The following STK32C variants were observed in gnomAD, a reference collection of about 807,000 sequenced individuals.
STK32C encodes serine/threonine kinase 32C, also known as serine/threonine-protein kinase 32C.
STK32C carries 31 observed loss-of-function variants against 56.5 expected under a neutral mutation model. The observed-to-expected ratio is 0.55, with a 90% CI of 0.41 to 0.74. The LOEUF (loss-of-function observed/expected upper bound fraction) is 0.74. Among genes scored for constraint, STK32C ranks in the 30% least tolerant of loss-of-function variants. The pLI, the probability that STK32C is intolerant of heterozygous loss-of-function variation, is 0.00. For missense variants in STK32C, 544 were observed against 676.9 expected (o/e 0.80, Z 2.18); for synonymous variants, 309 against 289.4 (o/e 1.07, Z -0.69).
At position 132,281,234 on chromosome 10, in the gene STK32C, T is replaced by C. The variant is rs567852320; in HGVS notation, c.262+26338A>G. On this transcript the variant is annotated intron_variant, in intron 1 of 11. Coordinates refer to ENST00000298630, the MANE Select transcript of STK32C (RefSeq NM_173575.4). ...ACACAGGTGCATAGACAGAGTGACC[T>C]TCAGGCCCCATCTTTTGCTTCTCTA... Among the ~76,000 whole-genome samples the C allele has an allele frequency of 1.7e-3, 260 of 151,394 alleles. 1 individual carries two copies. Among genetic ancestry groups the C allele is most frequent in the African/African-American group, 6.0e-3 (248 of 41,242 alleles).
At chr10:132,265,589 G>A (rs573894286) in intron 1 of STK32C, among the ~76,000 whole-genome samples, 1 of 152,312 alleles carries the variant, frequency 6.6e-6, no homozygotes, top group Non-Finnish European at 1.5e-5. Context: ...TCGCTTTCAT[G>A]GCTCGGGACA....
At chr10:132,273,956 T>G (rs1399954746) in intron 1 of STK32C, among the ~76,000 whole-genome samples, 1 of 152,212 alleles carries the variant, frequency 6.6e-6, no homozygotes, top group African/African-American at 2.4e-5. Flanking sequence ...CCAACTGCGC[T>G]TCTGACTTCT....
Position 132,225,216 on chromosome 10 carries a change from C to T in STK32C, c.876+17G>A. On this transcript the variant is annotated intron_variant, in intron 7 of 11. Coordinates refer to ENST00000298630, the MANE Select transcript of STK32C (RefSeq NM_173575.4). ...GGGGCCTGGCAGCCAAGCCCAGGGG[C>T]TGCAGGGGGTCCATACCCATCCTCG... is the stretch of plus-strand genomic sequence containing the variant. The T allele has an allele frequency of 1.3e-6, 2 of 1,582,968 alleles. No homozygotes were observed. Among genetic ancestry groups the T allele is most frequent in the Non-Finnish European group, 1.7e-6 (2 of 1,162,580 alleles).
intron 1 of STK32C, among the ~76,000 whole-genome samples, chr10:132,246,671 C>G (rs1227373511): frequency 6.6e-6 from 1 of 152,222 alleles, no homozygotes; most frequent in African/African-American, 2.4e-5. Flanking sequence ...TGAGACCTGT[C>G]CGTGTGCCCT....
chr10:132,244,568 C>T (rs2063619693), intron 2 of STK32C, among the ~76,000 whole-genome samples: 1 of 152,212 alleles, frequency 6.6e-6, no homozygotes, highest in Admixed American at 6.5e-5. Context: ...CCCTCAGATG[C>T]CCTCGGCCTG....
At chr10:132,270,587 T>A (rs995822097) in intron 1 of STK32C, among the ~76,000 whole-genome samples, 1 of 152,226 alleles carries the variant, frequency 6.6e-6, no homozygotes, top group African/African-American at 2.4e-5. Flanking sequence ...CAGCATGGCC[T>A]CTTCCCTTGG....
rs79590008 is a variant in STK32C, at chr10:132,225,600, G to A, written c.699C>T (p.Thr233=). 2,218 of 1,613,406 alleles carry A rather than the reference G, an allele frequency of 1.4e-3. 25 individuals carry two copies. The East Asian group carries it at 0.029, about 21-fold the overall frequency. Residue 233 remains threonine (T), a synonymous_variant, in exon 6 of 12, where the codon ACC becomes ACT. Coordinates refer to ENST00000298630, the MANE Select transcript of STK32C (RefSeq NM_173575.4). ...TGATGATGGTGGCAATGTTGAAGTCGGTCAGGTGTGCATGTCCTGTGCAGA... is the reference window on the plus strand; with the variant it reads ...TGATGATGGTGGCAATGTTGAAGTCAGTCAGGTGTGCATGTCCTGTGCAGA... ...LLDERGHAHL[T]DFNIATIIKD...
In STK32C at chr10:132,307,368, G is replaced by A. The variant is rs1362633777; in HGVS notation, c.262+204C>T. On this transcript the variant is annotated intron_variant, in intron 1 of 11. Coordinates refer to ENST00000298630, the MANE Select transcript of STK32C (RefSeq NM_173575.4). This position sits in a 1 kb window ranked among gnomAD's most constrained non-coding sequence, Gnocchi z 4.4. ...GGGCCCAGCCTGCTCCTCCTGCGGC[G>A]CCGCCACTAGAAACGGAGGACGCGG... Among the ~76,000 whole-genome samples, 2 of 151,900 alleles carry A rather than the reference G, an allele frequency of 1.3e-5. No individual in the cohort carries two copies. The highest frequency in any genetic ancestry group is 2.4e-5 in the African/African-American group (1 of 41,376).
At chr10:132,225,681 C>T (rs918840872) in intron 5 of STK32C, 65 bp from the exon 6 acceptor site, 1 of 1,611,190 alleles carries the variant, frequency 6.2e-7, no homozygotes, top group Admixed American at 1.7e-5. Flanking sequence ...GTGCAGGATC[C>T]TCCTCCCCTG....
At chr10:132,257,320 A>G (rs1178849391) in intron 1 of STK32C, among the ~76,000 whole-genome samples, 1 of 152,034 alleles carries the variant, frequency 6.6e-6, no homozygotes, top group Non-Finnish European at 1.5e-5. Context: ...GGTCCTGCAC[A>G]GCCCTCCCAC....
intron 11 of STK32C, 121 bp downstream of exon 11, chr10:132,208,913 A>C (rs1041811121): frequency 5.2e-5 from 46 of 885,034 alleles, no homozygotes; most frequent in Non-Finnish European, 7.5e-5. Flanking sequence ...GAGTCCCCAA[A>C]GAGAGCAGGG....
chr10:132,209,882 G>C (rs1389330357), intron 10 of STK32C, among the ~76,000 whole-genome samples: 1 of 152,196 alleles, frequency 6.6e-6, no homozygotes, highest in Non-Finnish European at 1.5e-5. Flanking sequence ...ACCTCCTGCA[G>C]CTGAGGCCAG....
chr10:132,208,451 C>A (rs2137544100), intron 11 of STK32C, among the ~76,000 whole-genome samples: 1 of 152,318 alleles, frequency 6.6e-6, no homozygotes, highest in South Asian at 2.1e-4. Context: ...AAGCCTCATT[C>A]TTCACCCGGT....
At chr10:132,254,083 G>A (rs1005296077) in intron 1 of STK32C, among the ~76,000 whole-genome samples, 11 of 152,238 alleles carry the variant, frequency 7.2e-5, no homozygotes, top group African/African-American at 2.7e-4. Context: ...GCCGAGGCAG[G>A]TGGATCACGA....
At chr10:132,262,224 G>T (rs1226829530) in intron 1 of STK32C, among the ~76,000 whole-genome samples, 2 of 152,182 alleles carry the variant, frequency 1.3e-5, no homozygotes, top group Non-Finnish European at 2.9e-5. Flanking sequence ...ATGGTGCTGG[G>T]AGAGCCGGCG....
At chr10:132,219,306 C>T (rs566851907) in intron 10 of STK32C, among the ~76,000 whole-genome samples, 3 of 151,950 alleles carry the variant, frequency 2.0e-5, no homozygotes, top group Admixed American at 6.6e-5. Context: ...CCTTTCAGAA[C>T]ACCTCCTACC....
intron 1 of STK32C, among the ~76,000 whole-genome samples, chr10:132,276,105 A>G (rs2064990553): frequency 6.6e-6 from 1 of 152,194 alleles, no homozygotes; most frequent in African/African-American, 2.4e-5. Context: ...GCCTGGAGGT[A>G]ATTCTGGGGC....
chr10:132,221,140 C>T (rs567058713), intron 10 of STK32C, among the ~76,000 whole-genome samples: 11 of 152,370 alleles, frequency 7.2e-5, no homozygotes, highest in African/African-American at 2.4e-4. Flanking sequence ...ACGTGGCCGT[C>T]CCCGCACACA....
At chr10:132,264,810 G>A (rs1037110770) in intron 1 of STK32C, among the ~76,000 whole-genome samples, 7 of 152,122 alleles carry the variant, frequency 4.6e-5, no homozygotes, top group South Asian at 4.2e-4. Context: ...AGGTGGGGGC[G>A]GGACAGTCGC....
Sources: allele counts gnomAD v4.1 joint callset (sites outside exome capture counted in the v4.1 genomes callset), GRCh38; gene constraint gnomAD v4.1.1; non-coding constraint Gnocchi (gnomAD v3.1); transcripts MANE v1.5; gene names NCBI Gene and HGNC (gene_info 2026-07-23, HGNC 2026-07-21).